C5: variants seen among roughly 807,000 people sequenced by gnomAD.
C5 encodes the protein C3 and PZP-like alpha-2-macroglobulin domain-containing protein 4.
C5 carries 140 observed loss-of-function variants against 218.8 expected under a neutral mutation model. The observed-to-expected ratio is 0.64, with a 90% CI of 0.56 to 0.74. The LOEUF is 0.74. C5 is among the 30% of genes least tolerant of loss of function. The probability of loss-of-function intolerance (pLI) is 0.00; values close to 1 mark genes in which losing one functional copy is unlikely to be tolerated. For synonymous variants in C5, 614 were observed against 682.3 expected, an observed-to-expected ratio of 0.90 and a Z score of 1.56; for missense variants, 1,700 against 1,969.6, an observed-to-expected ratio of 0.86 and a Z score of 2.59.
intron 25 of C5, 61 bp downstream of exon 25, chr9:120,988,985 G>T (rs1380144164): frequency 2.5e-6 from 3 of 1,212,644 alleles, no homozygotes; most frequent in Non-Finnish European, 3.7e-6. Context: ...TTCCATTATG[G>T]TTATTATTCT....
Position 120,974,826 on chromosome 9 carries a change from G to A in C5, c.3970C>T (p.His1324Tyr), listed in dbSNP as rs1356794587. 1.9e-6 allele frequency: 3 copies of A among 1,613,956 alleles called. No homozygotes were observed. Among genetic ancestry groups the A allele is most frequent in the Admixed American group, 3.3e-5 (2 of 60,020 alleles). ...TTCTTGTCTGTCATTTTATAATTAT[G>A]TAAGGCACCTTTATGCTTGTAAGAA... is the stretch of plus-strand genomic sequence containing the variant. ...DVSYKHKGAL[H>Y]NYKMTDKNFL... The change falls in exon 30 of 41, where the codon CAT (histidine) becomes TAT (tyrosine). Residue 1324 changes from histidine to tyrosine, a missense_variant. Physicochemically the swap from His to Tyr is moderately conservative, Grantham distance 83 (BLOSUM62 2). Coordinates refer to ENST00000223642, the MANE Select transcript of C5 (RefSeq NM_001735.3).
chr9:121,027,135 G>A (rs767434949), intron 8 of C5, 25 bp downstream of exon 8: 2 of 1,225,688 alleles, frequency 1.6e-6, no homozygotes, highest in Non-Finnish European at 2.4e-6. Context: ...CTGTAGGTGT[G>A]AGTGACTGTG....
rs1362754826 is a variant in C5 at position 121,013,914 on chromosome 9, C to T, written c.2216G>A (p.Arg739His). ...CATGTCTTTATGAGAGATATTAGCA[C>T]GGAGCTGGCTTGCGACGACACAACA... ...TECCVVASQL[R>H]ANISHKDMQL... The change falls in exon 17 of 41, where the codon CGT becomes CAT. Residue 739 changes from arginine (R) to histidine (H), a missense_variant. Arg to His is a conservative substitution (Grantham distance 29). Coordinates refer to ENST00000223642, the MANE Select transcript of C5 (RefSeq NM_001735.3). 9.3e-6 allele frequency: 15 copies of T among 1,613,992 alleles called. No homozygotes were observed. The highest frequency in any genetic ancestry group is 3.3e-5 in the Admixed American group (2 of 60,002).
In C5 at chr9:121,017,401, C is replaced by G; in HGVS notation, c.1827G>C (p.Val609=). ...TTTTGGCTCCTCTTTGGACTCCATA[C>G]ACAGCACTGTCCACTGCTGCTAATG... ...WVALAAVDSA[V]YGVQRGAKKP... Residue 609 remains valine, a synonymous_variant, in exon 14 of 41, where the codon GTG becomes GTC. Transcript: ENST00000223642. The G allele has an allele frequency of 6.2e-7, 1 of 1,613,968 alleles. No homozygotes were observed. The highest frequency in any genetic ancestry group is 8.5e-7 in the Non-Finnish European group (1 of 1,179,962).
At chr9:120,963,074 A>AC in intron 34 of C5, 107 bp from the exon 35 acceptor site, 1 of 888,310 alleles carries the variant, frequency 1.1e-6, no homozygotes, top group Non-Finnish European at 1.9e-6. Flanking sequence ...TCTGTAATTC[A>AC]AAGAAATTGA....
the C5 span, among the ~76,000 whole-genome samples, chr9:121,057,036 G>C: frequency 6.6e-6 from 1 of 152,176 alleles, no homozygotes; most frequent in Non-Finnish European, 1.5e-5. Flanking sequence ...TCTGGCAACA[G>C]ATTTCTTAGC....
upstream of C5, among the ~76,000 whole-genome samples, chr9:121,054,955 A>T (rs1025518849): frequency 1.3e-5 from 2 of 152,114 alleles, no homozygotes; most frequent in Non-Finnish European, 2.9e-5. Flanking sequence ...CAACGTAACA[A>T]GAACCTTGGA....
intron 17 of C5, among the ~76,000 whole-genome samples, chr9:121,008,883 T>C (rs952285166): frequency 6.6e-6 from 1 of 151,942 alleles, no homozygotes; most frequent in African/African-American, 2.4e-5. Context: ...TGAGCCGAGA[T>C]TGCACCACTG....
intron 29 of C5, 100 bp downstream of exon 29, chr9:120,976,600 A>G: frequency 1.1e-6 from 1 of 923,974 alleles, no homozygotes; most frequent in Non-Finnish European, 1.8e-6. Flanking sequence ...TATCTATTGC[A>G]TGCTCATTTG....
intron 7 of C5, among the ~76,000 whole-genome samples, chr9:121,029,531 T>G (rs1221530065): frequency 1.3e-5 from 2 of 152,332 alleles, no homozygotes; most frequent in East Asian, 3.9e-4. Flanking sequence ...ACACATATAG[T>G]TATATAGATT....
rs893526762 is a variant in C5 at position 121,034,914 on chromosome 9, C to T, written c.493-20G>A. ...AGGATCCTGTAAATAAAAACAAACA[C>T]CCTCAAAGGCCAGAAACTACATTTT... is the stretch of plus-strand genomic sequence containing the variant. On this transcript the variant is annotated intron_variant, in intron 4 of 40. Coordinates refer to ENST00000223642, the MANE Select transcript of C5 (RefSeq NM_001735.3). 3 of 1,250,202 alleles carry T rather than the reference C, an allele frequency of 2.4e-6. No individual in the cohort carries two copies. The highest frequency in any genetic ancestry group is 1.2e-6 in the Non-Finnish European group (1 of 856,798). The allele number at this position is 1,250,202 out of a possible 1,614,324, so 77.4% of individuals were successfully genotyped here.
At chr9:121,051,598 A>C (rs138308342), upstream of C5, among the ~76,000 whole-genome samples, 48 of 152,316 alleles carry the variant, frequency 3.2e-4, no homozygotes, top group East Asian at 1.5e-3. Context: ...ATGATATATA[A>C]ATGAGATATT....
chr9:121,020,838 G>C (rs2047358928), intron 11 of C5, among the ~76,000 whole-genome samples: 1 of 152,180 alleles, frequency 6.6e-6, no homozygotes, highest in African/African-American at 2.4e-5. Context: ...CATTTCCTGA[G>C]CCACACAATG....
intron 31 of C5, 103 bp from the exon 32 acceptor site, chr9:120,970,354 T>C: frequency 5.2e-6 from 4 of 772,864 alleles, no homozygotes; most frequent in Non-Finnish European, 9.1e-6. Flanking sequence ...CGAAGGATCA[T>C]TTTCATAATC....
chr9:121,041,822 T>C (rs1214282854), intron 3 of C5, among the ~76,000 whole-genome samples: 1 of 152,218 alleles, frequency 6.6e-6, no homozygotes, highest in African/African-American at 2.4e-5. Context: ...TATTTCCTTG[T>C]ATAAAAAGTT....
At chr9:120,965,521 AAAAT>A (rs201361366) in intron 33 of C5, among the ~76,000 whole-genome samples, 24,621 of 146,916 alleles carry the variant, frequency 0.17, 2,788 homozygotes, top group African/African-American at 0.32. Context: ...CTCTGCCTCA[AAAAT>A]AAATAAATAA....
At chr9:121,035,194 C>CA (rs921548291) in intron 4 of C5, among the ~76,000 whole-genome samples, 15 of 151,992 alleles carry the variant, frequency 9.9e-5, no homozygotes, top group African/African-American at 2.9e-4. Context: ...GTAAAAACAA[C>CA]AACAAACAAA....
At chr9:120,974,646 C>G (rs2046938734) in intron 30 of C5, 133 bp downstream of exon 30, 1 of 854,252 alleles carries the variant, frequency 1.2e-6, no homozygotes, top group Non-Finnish European at 2.0e-6. Flanking sequence ...AGCAGGCATC[C>G]CTGTTTAGGA....
chr9:121,017,907 A>C, intron 12 of C5, 55 bp from the exon 13 acceptor site: 2 of 1,138,266 alleles, frequency 1.8e-6, no homozygotes, highest in Non-Finnish European at 2.7e-6. Context: ...ACAAAAACAA[A>C]ACCTGTGCTT....
Sources: allele counts gnomAD v4.1 joint callset (sites outside exome capture counted in the v4.1 genomes callset), GRCh38; gene constraint gnomAD v4.1.1; transcripts MANE v1.5; gene names NCBI Gene and HGNC (gene_info 2026-07-23, HGNC 2026-07-21).